The following PSMA6 variants were observed in gnomAD, a reference collection of about 807,000 sequenced individuals.
The protein encoded by PSMA6 is proteasome subunit alpha type-6.
For missense variants in PSMA6, 170 were observed against 294.8 expected (o/e 0.58, Z 3.10); for synonymous variants, 88 against 97.7 (o/e 0.90, Z 0.59).
intron 1 of PSMA6, among the ~76,000 whole-genome samples, chr14:35,285,990 A>C (rs547560818): frequency 2.2e-4 from 33 of 152,244 alleles, no homozygotes; most frequent in Non-Finnish European, 3.8e-4. Context: ...GGATAGATCA[A>C]AGCGAAATAG....
At chr14:35,292,873 A>C in intron 1 of PSMA6, 1 of 516,832 alleles carries the variant, frequency 1.9e-6, no homozygotes, top group South Asian at 1.7e-5. Context: ...CTGGCCAGGC[A>C]CAAGGTCTGT....
At chr14:35,306,228 C>T (rs2051824502) in intron 1 of PSMA6, among the ~76,000 whole-genome samples, 1 of 151,840 alleles carries the variant, frequency 6.6e-6, no homozygotes, top group African/African-American at 2.4e-5. Context: ...GACCCTATCT[C>T]AAAACCCACC....
chr14:35,302,778 CT>C (rs2051740784), intron 1 of PSMA6, among the ~76,000 whole-genome samples: 1 of 152,076 alleles, frequency 6.6e-6, no homozygotes, highest in Non-Finnish European at 1.5e-5. Flanking sequence ...CCTTTCTCAT[CT>C]CCATTCTACA....
intron 1 of PSMA6, among the ~76,000 whole-genome samples, chr14:35,303,017 A>G (rs532211450): frequency 9.7e-4 from 147 of 152,316 alleles, no homozygotes; most frequent in African/African-American, 3.3e-3. Flanking sequence ...AATTAAACAC[A>G]ATATTCCTGG....
chr14:35,305,084 T>A (rs2051798962), intron 1 of PSMA6, among the ~76,000 whole-genome samples: 1 of 151,924 alleles, frequency 6.6e-6, no homozygotes, highest in Non-Finnish European at 1.5e-5. Context: ...TGCTCAATAA[T>A]GATAATAATG....
chr14:35,280,196 T>C (rs899675469), intron 1 of PSMA6, among the ~76,000 whole-genome samples: 1 of 151,616 alleles, frequency 6.6e-6, no homozygotes, highest in African/African-American at 2.4e-5. Flanking sequence ...TCCCAGCACT[T>C]TGGGAGGCCG....
rs2138713784 is a variant in PSMA6 at position 35,292,698 on chromosome 14, C to T, written c.76+146C>T. On this transcript the variant is annotated intron_variant, in intron 1 of 6. Transcript: ENST00000261479. ...AGAACGGCTGAAGCTGGATTGAGCT[C>T]TGTGGTGTTTGCACCCCCGTCTGGA... The T allele has an allele frequency of 4.9e-6, 7 of 1,414,410 alleles. No homozygotes were observed. In the South Asian group the frequency reaches 7.2e-5, roughly 14 times the overall value. 87.6% of individuals were successfully genotyped at this position (1,414,410 alleles called of 1,614,324 possible).
rs746839977 is a variant in PSMA6, at chr14:35,308,876, T to G, written c.172-38T>G. ...TTATAACTACACAGAAACCTGTATG[T>G]TTTTTAAAAAATTATCTTTGTTTAT... On this transcript the variant is annotated intron_variant, in intron 2 of 6. Transcript: ENST00000261479. 8 of 1,480,386 alleles carry G rather than the reference T, an allele frequency of 5.4e-6. No individual in the cohort carries two copies. The African/African-American group carries it at 9.8e-5, about 18-fold the overall frequency. 91.7% of individuals were successfully genotyped at this position (1,480,386 alleles called of 1,614,324 possible). A position where few individuals can be genotyped will look rare whatever the true frequency, so the allele number is the denominator to read the frequency against.
chr14:35,292,681 T>C (rs1411401935), intron 1 of PSMA6, 129 bp downstream of exon 1: 12 of 1,472,286 alleles, frequency 8.2e-6, no homozygotes, highest in Non-Finnish European at 1.1e-5. Context: ...GGAGAACGGC[T>C]GAAGCTGGAT....
upstream of PSMA6, among the ~76,000 whole-genome samples, chr14:35,289,040 A>G (rs770372807): frequency 1.5e-4 from 23 of 152,152 alleles, no homozygotes; most frequent in Non-Finnish European, 2.1e-4. Context: ...TCTTCTTCCA[A>G]TGTGGCCAGG....
intron 1 of PSMA6, among the ~76,000 whole-genome samples, chr14:35,302,543 G>A (rs1270284551): frequency 6.6e-6 from 1 of 151,968 alleles, no homozygotes; most frequent in African/African-American, 2.4e-5. Context: ...GTTTTCTGAG[G>A]TTCTTTAATC....
At position 35,295,220 on chromosome 14, in the gene PSMA6, C is replaced by T. The variant is rs2051560544; in HGVS notation, c.76+2668C>T. Among the ~76,000 whole-genome samples, 3 of 151,868 alleles carry T rather than the reference C, an allele frequency of 2.0e-5. No homozygotes were observed. The South Asian group carries it at 6.3e-4, about 32-fold the overall frequency. On this transcript the variant is annotated intron_variant, in intron 1 of 6. Coordinates refer to ENST00000261479, the MANE Select transcript of PSMA6 (RefSeq NM_002791.3). ...TGCTTGTGCTGGCGTGCCTGTAGTC[C>T]TACCTCCTCAGGAAGCTGAGGCACA...
intron 1 of PSMA6, among the ~76,000 whole-genome samples, chr14:35,307,614 A>G (rs1334451352): frequency 6.6e-6 from 1 of 152,090 alleles, no homozygotes; most frequent in African/African-American, 2.4e-5. Flanking sequence ...CGCGCCTATA[A>G]TCCCAGCTAC....
upstream of PSMA6, among the ~76,000 whole-genome samples, chr14:35,290,665 A>AT (rs2051467601): frequency 6.6e-6 from 1 of 152,226 alleles, no homozygotes; most frequent in South Asian, 2.1e-4. Context: ...TACAGCAGGC[A>AT]TTACAGTGCC....
intron 1 of PSMA6, among the ~76,000 whole-genome samples, chr14:35,305,332 T>A (rs2051803258): frequency 6.6e-6 from 1 of 152,078 alleles, no homozygotes; most frequent in South Asian, 2.1e-4. Context: ...GACAGGGTCT[T>A]GCCATGTTGC....
intron 1 of PSMA6, among the ~76,000 whole-genome samples, chr14:35,301,901 G>A (rs1299393558): frequency 6.6e-6 from 1 of 152,186 alleles, no homozygotes; most frequent in Admixed American, 6.5e-5. Context: ...AGTAATGCCA[G>A]TGAGTAAAAC....
intron 1 of PSMA6, chr14:35,293,353 C>T: frequency 5.1e-6 from 1 of 197,644 alleles, no homozygotes; most frequent in Admixed American, 5.7e-5. Context: ...TAATGTATTG[C>T]GCTGAAACGG....
chr14:35,299,878 T>C (rs530099672), intron 1 of PSMA6, among the ~76,000 whole-genome samples: 1 of 152,188 alleles, frequency 6.6e-6, no homozygotes, highest in South Asian at 2.1e-4. Context: ...CTAAATAGTA[T>C]AAAAAAGGTA....
At chr14:35,308,193 G>T in intron 2 of PSMA6, 105 bp downstream of exon 2, 1 of 1,449,928 alleles carries the variant, frequency 6.9e-7, no homozygotes, top group South Asian at 1.2e-5. Context: ...AGGCTGAGGT[G>T]GGCAGATCAC....
Sources: gnomAD v4.1 joint callset for allele counts (sites outside exome capture counted in the v4.1 genomes callset) on GRCh38, gnomAD v4.1.1 for gene constraint, MANE v1.5 for transcripts, NCBI Gene and HGNC (gene_info 2026-07-23, HGNC 2026-07-21) for gene names.